CSMD1: variants seen among roughly 807,000 people sequenced by gnomAD.
CSMD1 encodes the protein CUB and sushi domain-containing protein 1.
A neutral mutation model predicts 417.5 loss-of-function variants in CSMD1; 213 were observed. The ratio of observed to expected loss-of-function variants is 0.51; its 90% CI spans 0.46 to 0.57. CSMD1 has a LOEUF of 0.57. Ranked by LOEUF, CSMD1 falls within the 20% of genes least tolerant of loss-of-function variation. The pLI is 0.00. For missense variants in CSMD1, 6,923 were observed against 4,529.7 expected, an observed-to-expected ratio of 1.53 and a Z score of -15.17; for synonymous variants, 2,862 against 1,736.8, an observed-to-expected ratio of 1.65 and a Z score of -16.11.
chr8:3,803,351 G>T (rs891406510), intron 5 of CSMD1, among the ~76,000 whole-genome samples: 1 of 152,136 alleles, frequency 6.6e-6, no homozygotes. Flanking sequence ...GACAAGACAA[G>T]ACAAGACTTG....
At chr8:3,100,017 T>C (rs1443624441) in intron 46 of CSMD1, among the ~76,000 whole-genome samples, 1 of 151,628 alleles carries the variant, frequency 6.6e-6, no homozygotes, top group Admixed American at 6.6e-5. Flanking sequence ...TGTGGGGTTT[T>C]TTGGTGTTTT....
At chr8:4,488,454 C>T (rs1272515822) in intron 2 of CSMD1, among the ~76,000 whole-genome samples, 1 of 151,994 alleles carries the variant, frequency 6.6e-6, no homozygotes, top group Non-Finnish European at 1.5e-5. Context: ...GTAGTATGCT[C>T]AAATGAATAT....
chr8:3,255,801 C>T (rs774718986), intron 26 of CSMD1, among the ~76,000 whole-genome samples: 3 of 152,178 alleles, frequency 2.0e-5, no homozygotes, highest in African/African-American at 7.2e-5. Flanking sequence ...AATTCCCTGA[C>T]CTCTTGTGCT....
chr8:4,965,202 G>C (rs889339781), intron 1 of CSMD1, among the ~76,000 whole-genome samples: 1 of 152,148 alleles, frequency 6.6e-6, no homozygotes, highest in African/African-American at 2.4e-5. Context: ...CACATGAAGG[G>C]CCTCTGATAT....
chr8:4,541,890 G>A (rs561745316), intron 2 of CSMD1, among the ~76,000 whole-genome samples: 5 of 152,142 alleles, frequency 3.3e-5, no homozygotes, highest in Admixed American at 2.0e-4. Context: ...GGCTGGAGGC[G>A]CCGCACCTGT....
chr8:3,889,363 T>C (rs1297410638), intron 5 of CSMD1, among the ~76,000 whole-genome samples: 3 of 149,726 alleles, frequency 2.0e-5, no homozygotes, highest in African/African-American at 7.3e-5. Context: ...CAAATTTTGC[T>C]TGTATTTTTT....
At chr8:4,126,636 G>A (rs1338610141) in intron 3 of CSMD1, among the ~76,000 whole-genome samples, 2 of 152,134 alleles carry the variant, frequency 1.3e-5, no homozygotes, top group Non-Finnish European at 1.5e-5. Context: ...GAGGCTTTCT[G>A]TATTTGGTTT....
At chr8:4,683,556 C>T (rs934304579) in intron 1 of CSMD1, among the ~76,000 whole-genome samples, 2 of 152,136 alleles carry the variant, frequency 1.3e-5, no homozygotes, top group South Asian at 2.1e-4. Context: ...CCTAGAGGCA[C>T]GTTCTATTGT....
chr8:4,910,320 C>T (rs1434016014), intron 1 of CSMD1, among the ~76,000 whole-genome samples: 4 of 152,240 alleles, frequency 2.6e-5, no homozygotes, highest in African/African-American at 9.6e-5. Flanking sequence ...TAAGCTTTTT[C>T]TGTCAATGTT....
chr8:4,589,281 G>C (rs373031701), intron 2 of CSMD1, among the ~76,000 whole-genome samples: 4 of 152,148 alleles, frequency 2.6e-5, no homozygotes, highest in East Asian at 3.9e-4. Context: ...TTTTGCCTCT[G>C]CATATATTAT....
At chr8:3,745,123 A>G (rs1797004823) in intron 6 of CSMD1, among the ~76,000 whole-genome samples, 1 of 152,228 alleles carries the variant, frequency 6.6e-6, no homozygotes, top group Non-Finnish European at 1.5e-5. Flanking sequence ...TGAGAAAGCA[A>G]AGCTCTTACT....
intron 6 of CSMD1, among the ~76,000 whole-genome samples, chr8:3,735,859 C>G (rs1796499265): frequency 6.6e-6 from 1 of 151,986 alleles, no homozygotes. Context: ...TAATTTATGC[C>G]TAGAATTTTT....
chr8:4,575,466 T>C (rs1799093842), intron 2 of CSMD1, among the ~76,000 whole-genome samples: 1 of 152,206 alleles, frequency 6.6e-6, no homozygotes, highest in African/African-American at 2.4e-5. Context: ...TTAATTTCTC[T>C]GAACGTTATC....
In CSMD1 at chr8:2,978,507, G is replaced by C. The variant is rs541132647; in HGVS notation, c.8566+105C>G. 5 of 871,168 alleles carry C rather than the reference G, an allele frequency of 5.7e-6. No homozygotes were observed. The South Asian group carries it at 7.7e-5, about 13-fold the overall frequency. 54.0% of individuals were successfully genotyped at this position (871,168 alleles called of 1,614,324 possible). A position where few individuals can be genotyped will look rare whatever the true frequency, so the allele number is the denominator to read the frequency against. On this transcript the variant is annotated intron_variant, in intron 55 of 69. Coordinates refer to ENST00000635120, the MANE Select transcript of CSMD1 (RefSeq NM_033225.6). ...TCCTACAATTGGTGATGGGAGGACAGAAGGAATTAAAATTCAGTGCCTTTT... is the reference window on the plus strand; with the variant it reads ...TCCTACAATTGGTGATGGGAGGACACAAGGAATTAAAATTCAGTGCCTTTT...
Position 3,175,483 on chromosome 8 carries a change from T to TCCTG in CSMD1, c.5725+5623_5725+5626dup, listed in dbSNP as rs67818519. ...CTTTCCTTCCTTCTTTTCCCTTCCTTCCTGCCTGCCTGCCTGCCTGCCTGC... is the reference window on the plus strand; with the variant it reads ...CTTTCCTTCCTTCTTTTCCCTTCCTTCCTGCCTGCCTGCCTGCCTGCCTGCCTGC... On this transcript the variant is annotated intron_variant, in intron 37 of 69. Coordinates refer to ENST00000635120, the MANE Select transcript of CSMD1 (RefSeq NM_033225.6). Among the ~76,000 whole-genome samples, 154 of 121,656 alleles carry TCCTG rather than the reference T, an allele frequency of 1.3e-3. 1 individual carries two copies. Among genetic ancestry groups the TCCTG allele is most frequent in the African/African-American group, 3.1e-3 (96 of 30,514 alleles). The allele number at this position is 121,656 out of a possible 152,430, so 79.8% of individuals were successfully genotyped here. A position where few individuals can be genotyped will look rare whatever the true frequency, so the allele number is the denominator to read the frequency against.
intron 3 of CSMD1, among the ~76,000 whole-genome samples, chr8:4,046,011 T>C (rs895789733): frequency 3.3e-5 from 5 of 152,148 alleles, no homozygotes; most frequent in Non-Finnish European, 5.9e-5. Flanking sequence ...GTTCTACAAT[T>C]GTATTCAAAT....
chr8:4,273,415 C>A (rs996276262), intron 3 of CSMD1, among the ~76,000 whole-genome samples: 3 of 152,094 alleles, frequency 2.0e-5, no homozygotes, highest in Non-Finnish European at 2.9e-5. Context: ...CAACCCTGCT[C>A]AGGTCAATTA....
At chr8:4,834,743 T>C (rs1213195939) in intron 1 of CSMD1, among the ~76,000 whole-genome samples, 1 of 151,142 alleles carries the variant, frequency 6.6e-6, no homozygotes, top group African/African-American at 2.4e-5. Context: ...GATCACGACA[T>C]CAGGAGATCG....
At chr8:4,488,743 C>T (rs542942354) in intron 2 of CSMD1, among the ~76,000 whole-genome samples, 2 of 152,106 alleles carry the variant, frequency 1.3e-5, no homozygotes, top group African/African-American at 2.4e-5. Flanking sequence ...ACCAAATGGG[C>T]CCTCAGAAGT....
Sources: allele counts gnomAD v4.1 joint callset (sites outside exome capture counted in the v4.1 genomes callset), GRCh38; gene constraint gnomAD v4.1.1; transcripts MANE v1.5; gene names NCBI Gene and HGNC (gene_info 2026-07-23, HGNC 2026-07-21).